The following NLRP11 variants were observed in gnomAD, a reference collection of about 807,000 sequenced individuals.
The protein encoded by NLRP11 is NACHT, LRR and PYD domains-containing protein 11.
NLRP11 carries 53 observed loss-of-function variants against 79.3 expected under a neutral mutation model. The observed-to-expected ratio is 0.67, with a 90% confidence interval of 0.54 to 0.84. The LOEUF (loss-of-function observed/expected upper bound fraction) is 0.84, where lower values mean the gene tolerates loss of function less well. NLRP11 is among the 40% of genes least tolerant of loss of function. NLRP11 has a pLI of 0.00. For synonymous variants in NLRP11, 518 were observed against 462.6 expected (o/e 1.12, Z -1.54); for missense variants, 1,264 against 1,255.0 (o/e 1.01, Z -0.11).
intron 1 of NLRP11, among the ~76,000 whole-genome samples, chr19:55,831,104 C>G (rs1398888052): frequency 1.5e-5 from 2 of 135,916 alleles, no homozygotes; most frequent in Non-Finnish European, 3.2e-5. Context: ...CGCCCCACCC[C>G]CCCCATCCCC....
intron 1 of NLRP11, among the ~76,000 whole-genome samples, chr19:55,824,058 A>G (rs200536792): frequency 0.054 from 4,102 of 76,384 alleles, 172 homozygotes; most frequent in East Asian, 0.13. Flanking sequence ...GACTAACAGC[A>G]GATCTCTCGG....
intron 4 of NLRP11, among the ~76,000 whole-genome samples, chr19:55,804,868 TC>T (rs1479463444): frequency 6.6e-6 from 1 of 152,010 alleles, no homozygotes; most frequent in Non-Finnish European, 1.5e-5. Flanking sequence ...ATCGAGACCA[TC>T]CTGGCTAACA....
At chr19:55,786,067 G>A (rs897042930) in intron 9 of NLRP11, among the ~76,000 whole-genome samples, 196 bp from the exon 10 acceptor site, 8 of 152,220 alleles carry the variant, frequency 5.3e-5, no homozygotes, top group African/African-American at 1.9e-4. Context: ...TAGAATGTAA[G>A]ACAAGATTTC....
At chr19:55,830,168 G>A (rs1383480825) in intron 1 of NLRP11, among the ~76,000 whole-genome samples, 2 of 152,080 alleles carry the variant, frequency 1.3e-5, no homozygotes, top group Non-Finnish European at 1.5e-5. Context: ...GTATCTAGGT[G>A]TTTTTCCCCC....
chr19:55,810,272 A>T lies in NLRP11; in HGVS notation c.338T>A (p.Phe113Tyr), dbSNP rs1199059111. 3 of 1,613,910 alleles carry T rather than the reference A, an allele frequency of 1.9e-6. No individual in the cohort carries two copies. In the African/African-American group the frequency reaches 4.0e-5, roughly 22 times the overall value. Reference sequence around the variant, plus strand: ...AAAAAATTTATAATGAAATTTTCCAAAAGTGTGACTTTCCCATTGCAGCAT... The same window carrying T: ...AAAAAATTTATAATGAAATTTTCCATAAGTGTGACTTTCCCATTGCAGCAT... Residue 113 changes from phenylalanine to tyrosine, a missense_variant, in exon 3 of 10, where the codon TTT becomes TAT. Phe to Tyr is a conservative substitution (Grantham distance 22). Coordinates refer to ENST00000589093, the Ensembl canonical transcript of NLRP11.
intron 1 of NLRP11, among the ~76,000 whole-genome samples, chr19:55,818,449 A>G (rs1981358506): frequency 6.6e-6 from 1 of 152,204 alleles, no homozygotes; most frequent in South Asian, 2.1e-4. Flanking sequence ...CAGTTGTGTT[A>G]AAAGGCAACA....
chr19:55,785,543 A>G, exon 10 of NLRP11: 1 of 1,295,172 alleles, frequency 7.7e-7, no homozygotes, highest in Non-Finnish European at 1.1e-6. Flanking sequence ...ACACACATCA[A>G]ATAGGAAAAT....
intron 1 of NLRP11, among the ~76,000 whole-genome samples, chr19:55,820,771 T>C (rs2547269): frequency 0.23 from 35,677 of 151,930 alleles, 5,287 homozygotes; most frequent in African/African-American, 0.42. Context: ...TTGCTGGACC[T>C]ACAAAGATAT....
At chr19:55,802,720 C>T (rs1365885693) in intron 4 of NLRP11, among the ~76,000 whole-genome samples, 1 of 152,056 alleles carries the variant, frequency 6.6e-6, no homozygotes, top group African/African-American at 2.4e-5. Context: ...CAATCCTAAG[C>T]AAAAAGAACA....
At chr19:55,830,598 T>TAAAAAAAAAAA (rs201476127) in intron 1 of NLRP11, among the ~76,000 whole-genome samples, 16 of 129,200 alleles carry the variant, frequency 1.2e-4, no homozygotes, top group African/African-American at 4.2e-4. Context: ...CTTAGCTTCC[T>TAAAAAAAAAAA]AAAAAAAAAA....
At chr19:55,823,202 C>G (rs981068032) in intron 1 of NLRP11, among the ~76,000 whole-genome samples, 15 of 144,552 alleles carry the variant, frequency 1.0e-4, no homozygotes, top group Non-Finnish European at 2.2e-4. Context: ...AGCTGAGGGT[C>G]CTGTCTGTTA....
chr19:55,821,920 A>G (rs933968172), intron 1 of NLRP11, among the ~76,000 whole-genome samples: 3 of 152,190 alleles, frequency 2.0e-5, no homozygotes, highest in Non-Finnish European at 4.4e-5. Context: ...CACTTAGCAT[A>G]TTTGCCAAGA....
chr19:55,807,128 C>T (rs1333929292), intron 4 of NLRP11, among the ~76,000 whole-genome samples: 1 of 151,878 alleles, frequency 6.6e-6, no homozygotes, highest in Non-Finnish European at 1.5e-5. Flanking sequence ...GTCTTTTTTC[C>T]CCCCATTGAT....
chr19:55,824,139 C>A (rs931235326), intron 1 of NLRP11, among the ~76,000 whole-genome samples: 2 of 124,270 alleles, frequency 1.6e-5, no homozygotes, highest in African/African-American at 7.4e-5. Flanking sequence ...ATTTTCAACC[C>A]AGAATTTCAT....
intron 1 of NLRP11, among the ~76,000 whole-genome samples, chr19:55,819,069 C>T (rs1981418460): frequency 6.6e-6 from 1 of 151,260 alleles, no homozygotes; most frequent in Admixed American, 6.6e-5. Context: ...TGCTACTGCC[C>T]TTTGGAGCTC....
exon 9 of NLRP11, chr19:55,788,905 T>C (rs758205158): frequency 1.2e-6 from 2 of 1,613,908 alleles, no homozygotes; most frequent in East Asian, 2.2e-5. Flanking sequence ...TGAGTCTTTC[T>C]AGTGTTTTGT....
At chr19:55,832,560 C>G (rs1339405835), upstream of NLRP11, among the ~76,000 whole-genome samples, 1 of 152,194 alleles carries the variant, frequency 6.6e-6, no homozygotes, top group East Asian at 1.9e-4. Context: ...TAGCTCAGTC[C>G]TATGCGCAGG....
intron 1 of NLRP11, among the ~76,000 whole-genome samples, chr19:55,822,201 T>G (rs1429592466): frequency 6.6e-6 from 1 of 152,144 alleles, no homozygotes; most frequent in African/African-American, 2.4e-5. Context: ...GAGGCAGAGA[T>G]TGCTGTGAGC....
At chr19:55,801,545 T>A in intron 5 of NLRP11, 27 bp downstream of exon 5, 2 of 1,608,032 alleles carry the variant, frequency 1.2e-6, no homozygotes, top group Non-Finnish European at 1.7e-6. Context: ...TCACATGCAC[T>A]GAGCTTTCAG....
Sources: gnomAD v4.1 joint callset for allele counts (sites outside exome capture counted in the v4.1 genomes callset) on GRCh38, gnomAD v4.1.1 for gene constraint, MANE v1.5 for transcripts, NCBI Gene and HGNC (gene_info 2026-07-23, HGNC 2026-07-21) for gene names.